The following DNAH6 variants were observed in gnomAD, a reference collection of about 807,000 sequenced individuals.
DNAH6 encodes axonemal beta dynein heavy chain 6.
A neutral mutation model predicts 491.4 loss-of-function variants in DNAH6; 340 were observed. That is an observed-to-expected ratio of 0.69 (90% CI 0.63 to 0.76). The LOEUF is 0.76. DNAH6 is among the 30% of genes least tolerant of loss of function. DNAH6 has a pLI of 0.00. For missense variants in DNAH6, 4,443 were observed against 4,972.2 expected (o/e 0.89, Z 3.20); for synonymous variants, 1,603 against 1,686.1 (o/e 0.95, Z 1.21).
chr2:84,654,085 G>C (rs1261996434), intron 34 of DNAH6, among the ~76,000 whole-genome samples: 1 of 151,782 alleles, frequency 6.6e-6, no homozygotes, highest in African/African-American at 2.4e-5. Flanking sequence ...AATAAACTCT[G>C]GCTTCCCTGA....
chr2:84,652,688 T>A (rs779706738), intron 33 of DNAH6, among the ~76,000 whole-genome samples: 1 of 152,094 alleles, frequency 6.6e-6, no homozygotes, highest in Non-Finnish European at 1.5e-5. Flanking sequence ...ATGTAAGGTT[T>A]TAACTGTATC....
chr2:84,801,251 AAAAAAGAAAAAG>A (rs1246533591), intron 70 of DNAH6, among the ~76,000 whole-genome samples: 1 of 151,538 alleles, frequency 6.6e-6, no homozygotes, highest in Non-Finnish European at 1.5e-5. Context: ...TATAATTAAA[AAAAAAGAAAAAG>A]AAAAAGAAAA....
chr2:84,654,086 G>T (rs940953261), intron 34 of DNAH6, among the ~76,000 whole-genome samples: 1 of 151,850 alleles, frequency 6.6e-6, no homozygotes, highest in Non-Finnish European at 1.5e-5. Context: ...ATAAACTCTG[G>T]CTTCCCTGAG....
At chr2:84,776,189 G>C (rs780897052) in intron 64 of DNAH6, among the ~76,000 whole-genome samples, 3 of 152,170 alleles carry the variant, frequency 2.0e-5, no homozygotes, top group Non-Finnish European at 4.4e-5. Flanking sequence ...TGACTGATTG[G>C]GAAAGAATGT....
In DNAH6 at chr2:84,616,867, A is replaced by AT. The variant is rs761334903; in HGVS notation, c.3476-10dup. ...ATTTTAACACAGTTTTACCAATACTATTTTTTTTTAATGAACAGGACTTCT... is the reference window on the plus strand; with the variant it reads ...ATTTTAACACAGTTTTACCAATACTATTTTTTTTTTAATGAACAGGACTTCT... On this transcript the variant is annotated intron_variant, in intron 22 of 76. Coordinates refer to ENST00000389394, the MANE Select transcript of DNAH6 (RefSeq NM_001370.2). The AT allele has an allele frequency of 4.6e-3, 5,757 of 1,238,814 alleles. No homozygotes were observed. Among genetic ancestry groups the AT allele is most frequent in the South Asian group, 5.9e-3 (328 of 55,282 alleles). The allele number at this position is 1,238,814 out of a possible 1,614,324, so 76.7% of individuals were successfully genotyped here.
upstream of DNAH6, among the ~76,000 whole-genome samples, chr2:84,511,676 C>T (rs1675336656): frequency 6.6e-6 from 1 of 152,308 alleles, no homozygotes; most frequent in African/African-American, 2.4e-5. Context: ...ACGCTGGGAG[C>T]TATAGACTGG....
At chr2:84,753,341 C>G (rs1282543818) in intron 63 of DNAH6, among the ~76,000 whole-genome samples, 1 of 152,060 alleles carries the variant, frequency 6.6e-6, no homozygotes, top group Admixed American at 6.6e-5. Context: ...TTTTCGCTTT[C>G]TTGGTAGTGT....
chr2:84,577,342 A>G lies in DNAH6; in HGVS notation c.2010A>G (p.Gly670=). The part of the protein sequence containing the change: ...AVALRPTRNV[G]LLLIDTRLLR... The stretch of plus-strand genomic sequence containing the variant: ...CGCTCAGACCCACCAGAAATGTAGG[A>G]TTGCTGCTCATTGATACTAGGCTTC... Residue 670 remains glycine (G), a synonymous_variant, in exon 13 of 77, where the codon GGA becomes GGG. Transcript: ENST00000389394. The G allele has an allele frequency of 6.2e-7, 1 of 1,612,386 alleles. No homozygotes were observed. The highest frequency in any genetic ancestry group is 8.5e-7 in the Non-Finnish European group (1 of 1,179,062).
At chr2:84,488,326 T>C in the DNAH6 span, among the ~76,000 whole-genome samples, 1 of 151,470 alleles carries the variant, frequency 6.6e-6, no homozygotes, top group Non-Finnish European at 1.5e-5. Context: ...TGTATACATA[T>C]GTAACTAACC....
At chr2:84,555,973 C>T (rs1679981351) in intron 10 of DNAH6, among the ~76,000 whole-genome samples, 1 of 152,170 alleles carries the variant, frequency 6.6e-6, no homozygotes, top group South Asian at 2.1e-4. Flanking sequence ...GCCTCTCTCC[C>T]TTCTAGTCCA....
chr2:84,525,629 A>G lies in DNAH6; in HGVS notation c.290A>G (p.Gln97Arg), dbSNP rs1356098301. ...TACATACATGAACAGAACCGATTTC[A>G]GTTAATGACTGCAGGAATCATTAAA... ...PEYIHEQNRF[Q>R]LMTAGIIKRP... The change falls in exon 3 of 77, where the codon CAG (glutamine) becomes CGG (arginine). Residue 97 changes from glutamine (Q) to arginine (R), a missense_variant. Around this residue, in one of 3 missense-constraint regions of DNAH6, gnomAD observed 2,977 missense variants for 3,296.6 expected, o/e 0.90. Transcript: ENST00000389394. 1.3e-6 allele frequency: 2 copies of G among 1,550,546 alleles called. No homozygotes were observed. Among genetic ancestry groups the G allele is most frequent in the East Asian group, 2.4e-5 (1 of 40,852 alleles).
intron 65 of DNAH6, among the ~76,000 whole-genome samples, chr2:84,782,595 A>T (rs1389003723): frequency 1.3e-5 from 2 of 152,222 alleles, no homozygotes; most frequent in African/African-American, 4.8e-5. Flanking sequence ...GCCCTCACCC[A>T]CAAGCCTTCT....
intron 30 of DNAH6, 110 bp downstream of exon 30, chr2:84,634,751 T>A: frequency 7.5e-7 from 1 of 1,338,070 alleles, no homozygotes; most frequent in Non-Finnish European, 9.7e-7. Context: ...GGAGGAATCC[T>A]GGGGAGCCCA....
chr2:84,557,652 G>A lies in DNAH6; in HGVS notation c.1603-83G>A, dbSNP rs372430591. The A allele has an allele frequency of 5.2e-3, 520 of 100,622 alleles. 4 individuals carry two copies. Among genetic ancestry groups the A allele is most frequent in the African/African-American group, 0.011 (49 of 4,550 alleles). The allele number at this position is 100,622 out of a possible 1,614,324, so 6.2% of individuals were successfully genotyped here. A position where few individuals can be genotyped will look rare whatever the true frequency, so the allele number is the denominator to read the frequency against. On this transcript the variant is annotated intron_variant, in intron 10 of 76. Transcript: ENST00000389394. ...GGCCTGGGCGACAGAGCGAGACTCC[G>A]TCTCAAAAAAAAAAAAAAAAAAAAA... is the stretch of plus-strand genomic sequence containing the variant.
chr2:84,573,856 G>T (rs1397821517), intron 12 of DNAH6, among the ~76,000 whole-genome samples: 1 of 152,188 alleles, frequency 6.6e-6, no homozygotes, highest in Non-Finnish European at 1.5e-5. Context: ...TTGTATCAGT[G>T]CTAAGAGTAT....
In DNAH6 at chr2:84,670,404, C is replaced by G; in HGVS notation, c.6383C>G (p.Ala2128Gly). 1 of 1,546,448 alleles carries G rather than the reference C, an allele frequency of 6.5e-7. No homozygotes were observed. Among genetic ancestry groups the G allele is most frequent in the Admixed American group, 2.0e-5 (1 of 50,644 alleles). ...GTCCCTGTTTATCTAAATTTTTCTG[C>G]TCAAACTTCATCTGCAAGGACACAA... is the stretch of plus-strand genomic sequence containing the variant. ...GYVPVYLNFS[A>G]QTSSARTQEI... is the part of the protein sequence containing the mutation. The change falls in exon 39 of 77, where the codon GCT becomes GGT. Residue 2128 changes from alanine (A) to glycine (G), a missense_variant. By Grantham distance (60) the Ala-to-Gly change is moderately conservative (BLOSUM62 0). Coordinates refer to ENST00000389394, the MANE Select transcript of DNAH6 (RefSeq NM_001370.2).
Position 84,525,719 on chromosome 2 carries a change from A to T in DNAH6, c.380A>T (p.Asp127Val). The change falls in exon 3 of 77, where the codon GAT becomes GTT. Residue 127 changes from aspartate to valine, a missense_variant. Asp to Val is a radical substitution (Grantham distance 152, BLOSUM62 -3). Transcript: ENST00000389394. Reference protein sequence around the residue: ...TSSTQFLEHQDAVKKMQIHRP... With the variant: ...TSSTQFLEHQVAVKKMQIHRP... The stretch of plus-strand genomic sequence containing the variant: ...TCTACTCAGTTTCTTGAGCATCAAG[A>T]TGCTGTGAAAAAAATGCAGGTATAA... The T allele has an allele frequency of 6.5e-7, 1 of 1,537,236 alleles. No homozygotes were observed. Among genetic ancestry groups the T allele is most frequent in the Non-Finnish European group, 8.7e-7 (1 of 1,142,970 alleles).
chr2:84,738,166 T>A (rs1436152289), intron 62 of DNAH6, among the ~76,000 whole-genome samples: 9 of 152,178 alleles, frequency 5.9e-5, no homozygotes, highest in Non-Finnish European at 1.3e-4. Context: ...TTGAGAGATC[T>A]TCTGTGTATT....
intron 29 of DNAH6, among the ~76,000 whole-genome samples, chr2:84,630,123 G>A (rs1210742632): frequency 6.6e-6 from 1 of 152,040 alleles, no homozygotes; most frequent in Non-Finnish European, 1.5e-5. Context: ...GTTTTTTGGG[G>A]TAATAAAAAA....
Sources: allele counts gnomAD v4.1 joint callset (sites outside exome capture counted in the v4.1 genomes callset), GRCh38; gene constraint gnomAD v4.1.1; regional missense constraint gnomAD v4.1.1; transcripts MANE v1.5; gene names NCBI Gene and HGNC (gene_info 2026-07-23, HGNC 2026-07-21).